NR6A1: variants seen among roughly 807,000 people sequenced by gnomAD.
The protein encoded by NR6A1 is nuclear receptor subfamily 6 group A member 1, also known as retinoic acid receptor-related testis-associated receptor.
Under a neutral mutation model 59.1 loss-of-function variants are expected in NR6A1, and 7 were observed. The ratio of observed to expected loss-of-function variants is 0.12; its 90% CI spans 0.07 to 0.22. The LOEUF is 0.22. NR6A1 is among the 10% of genes least tolerant of loss of function. The pLI, the probability that NR6A1 is intolerant of heterozygous loss-of-function variation, is 1.00. For synonymous variants in NR6A1, 243 were observed against 236.1 expected (o/e 1.03, Z -0.27); for missense variants, 468 against 611.6 (o/e 0.77, Z 2.48).
rs1832829886 is a variant in NR6A1, at chr9:124,522,779, C to T, written c.1369G>A (p.Val457Met). The T allele has an allele frequency of 6.3e-7, 1 of 1,589,344 alleles. No homozygotes were observed. The highest frequency in any genetic ancestry group is 1.2e-5 in the South Asian group (1 of 86,872). ...AGGAGGGGCAGCTGCTCCAGGGGCA[C>T]ATTCACCATCTTTCCTGGGAACAAG... ...IRYIAGKMVN[V>M]PLEQLPLLFK... The change falls in exon 10 of 10, where the codon GTG becomes ATG. Residue 457 changes from valine (V) to methionine (M), a missense_variant. This residue lies in a region of NR6A1 where 176 missense variants were observed against 264.0 expected (regional missense o/e 0.67). Transcript: ENST00000487099.
chr9:124,668,411 T>C lies in NR6A1; in HGVS notation c.142+64897A>G, dbSNP rs1837693454. Among the ~76,000 whole-genome samples, 3 of 152,176 alleles carry C rather than the reference T, an allele frequency of 2.0e-5. No homozygotes were observed. In the South Asian group the frequency reaches 6.2e-4, roughly 32 times the overall value. On this transcript the variant is annotated intron_variant, in intron 2 of 9. Coordinates refer to ENST00000487099, the MANE Select transcript of NR6A1 (RefSeq NM_033334.4). ...TTATTGAAAAATATCCACATATAAG[T>C]GGACCTGCGTGATTCAAATTCATGT... is the stretch of plus-strand genomic sequence containing the variant.
intron 2 of NR6A1, 77 bp downstream of exon 2, chr9:124,733,231 C>T (rs999855914): frequency 9.4e-7 from 1 of 1,060,788 alleles, no homozygotes; most frequent in East Asian, 2.4e-5. Flanking sequence ...ATCAATGACA[C>T]CTTAAGTTAT....
intron 9 of NR6A1, among the ~76,000 whole-genome samples, chr9:124,524,056 A>G (rs1832863633): frequency 6.6e-6 from 1 of 152,204 alleles, no homozygotes; most frequent in African/African-American, 2.4e-5. Flanking sequence ...ACATACATAC[A>G]TACACACACA....
rs143653566 is a variant in NR6A1, at chr9:124,758,120, A to G, written c.100+12900T>C. On this transcript the variant is annotated intron_variant, in intron 1 of 9. Coordinates refer to ENST00000487099, the MANE Select transcript of NR6A1 (RefSeq NM_033334.4). ...ATTCGATCTGTCACCAAGAAAGGGA[A>G]TATTTTTTTGTGGGAAAGCAATTGT... is the stretch of plus-strand genomic sequence containing the variant. 3.0e-3 allele frequency among the ~76,000 whole-genome samples: 458 copies of G among 152,276 alleles called. 6 individuals carry two copies. Among genetic ancestry groups the G allele is most frequent in the Middle Eastern group, 6.8e-3 (2 of 292 alleles).
intron 2 of NR6A1, among the ~76,000 whole-genome samples, chr9:124,710,859 G>T (rs2131071048): frequency 6.6e-6 from 1 of 152,184 alleles, no homozygotes; most frequent in South Asian, 2.1e-4. Context: ...GGAAATTAGT[G>T]GTAGTTTTCA....
Position 124,554,365 on chromosome 9 carries a change from G to A in NR6A1, c.348C>T (p.Arg116=). Residue 116 remains arginine, a synonymous_variant, in exon 3 of 10, where the codon CGC becomes CGT. Coordinates refer to ENST00000487099, the MANE Select transcript of NR6A1 (RefSeq NM_033334.4). ...TCCCCATCTGGAGGCATTTGAGCAGGCGGCAGTACTGGCACCTGTTCCTCT... is the reference window on the plus strand; with the variant it reads ...TCCCCATCTGGAGGCATTTGAGCAGACGGCAGTACTGGCACCTGTTCCTCT... The part of the protein sequence containing the change: ...RKQRNRCQYC[R]LLKCLQMGMN... The A allele has an allele frequency of 6.2e-7, 1 of 1,614,142 alleles. No homozygotes were observed. Among genetic ancestry groups the A allele is most frequent in the Non-Finnish European group, 8.5e-7 (1 of 1,180,006 alleles).
chr9:124,558,539 C>T (rs1216141888), intron 2 of NR6A1, among the ~76,000 whole-genome samples: 1 of 152,070 alleles, frequency 6.6e-6, no homozygotes, highest in African/African-American at 2.4e-5. Context: ...ACAACAGAAT[C>T]AGCTATTGTT....
intron 2 of NR6A1, among the ~76,000 whole-genome samples, chr9:124,618,553 C>A (rs1157200683): frequency 2.6e-5 from 4 of 152,072 alleles, no homozygotes. Flanking sequence ...GGTTACAGGT[C>A]AAAGAAAACA....
At chr9:124,717,623 T>C (rs1043894164) in intron 2 of NR6A1, among the ~76,000 whole-genome samples, 1 of 152,236 alleles carries the variant, frequency 6.6e-6, no homozygotes, top group Non-Finnish European at 1.5e-5. Context: ...ATGTTCTGTA[T>C]CTTGATAGAA....
intron 2 of NR6A1, among the ~76,000 whole-genome samples, chr9:124,554,861 G>T (rs1833881384): frequency 6.6e-6 from 1 of 152,108 alleles, no homozygotes; most frequent in Non-Finnish European, 1.5e-5. Context: ...CCCTTACCCT[G>T]CTCATCTATA....
chr9:124,546,645 CTT>C (rs551532912), intron 3 of NR6A1, among the ~76,000 whole-genome samples: 416 of 152,196 alleles, frequency 2.7e-3, no homozygotes, highest in Admixed American at 4.7e-3. Flanking sequence ...TAAAAATTAA[CTT>C]TGATTTTTAA....
chr9:124,672,391 C>T (rs936382176), intron 2 of NR6A1, among the ~76,000 whole-genome samples: 1 of 151,908 alleles, frequency 6.6e-6, no homozygotes, highest in East Asian at 1.9e-4. Flanking sequence ...CCGAGGCGGG[C>T]GGATCATGAG....
chr9:124,650,833 C>T (rs1837078030), intron 2 of NR6A1, among the ~76,000 whole-genome samples: 1 of 152,186 alleles, frequency 6.6e-6, no homozygotes, highest in African/African-American at 2.4e-5. Context: ...TATACCAATT[C>T]TCTACCATCT....
intron 4 of NR6A1, 53 bp from the exon 5 acceptor site, chr9:124,540,240 T>C: frequency 6.5e-7 from 1 of 1,547,562 alleles, no homozygotes; most frequent in Non-Finnish European, 8.8e-7. Flanking sequence ...ACTTGCTCTT[T>C]CTTCAGGACT....
intron 8 of NR6A1, among the ~76,000 whole-genome samples, chr9:124,526,141 C>G (rs922734451): frequency 1.3e-5 from 2 of 152,182 alleles, no homozygotes; most frequent in Non-Finnish European, 2.9e-5. Context: ...TACACATTAG[C>G]TATTTTGGAA....
chr9:124,643,861 C>T (rs973573553), intron 2 of NR6A1, among the ~76,000 whole-genome samples: 7 of 151,286 alleles, frequency 4.6e-5, no homozygotes, highest in African/African-American at 1.7e-4. Flanking sequence ...TAAATTTGTA[C>T]ATAGTAAAAG....
At chr9:124,739,072 C>T (rs1439656553) in intron 1 of NR6A1, among the ~76,000 whole-genome samples, 1 of 149,296 alleles carries the variant, frequency 6.7e-6, no homozygotes, top group Non-Finnish European at 1.5e-5. Context: ...CCTATAAGCC[C>T]AGCTACTCAG....
chr9:124,727,358 T>C (rs1839752496), intron 2 of NR6A1, among the ~76,000 whole-genome samples: 1 of 152,222 alleles, frequency 6.6e-6, no homozygotes, highest in Non-Finnish European at 1.5e-5. Context: ...CCACTGTGAT[T>C]TTTTTATAAA....
At chr9:124,768,723 G>C (rs1313491056) in intron 1 of NR6A1, among the ~76,000 whole-genome samples, 1 of 152,232 alleles carries the variant, frequency 6.6e-6, no homozygotes. Context: ...CTGATTAAGA[G>C]TTAAAATTAC....
Sources: gnomAD v4.1 joint callset for allele counts (sites outside exome capture counted in the v4.1 genomes callset) on GRCh38, gnomAD v4.1.1 for gene constraint, gnomAD v4.1.1 regional missense constraint, MANE v1.5 for transcripts, NCBI Gene and HGNC (gene_info 2026-07-23, HGNC 2026-07-21) for gene names.